Variants in FTO observed in about 807,000 individuals in gnomAD.
FTO encodes the protein FTO alpha-ketoglutarate dependent dioxygenase.
A neutral mutation model predicts 63.9 loss-of-function variants in FTO; 47 were observed. The ratio of observed to expected loss-of-function variants is 0.74; its 90% CI spans 0.58 to 0.94. The LOEUF (loss-of-function observed/expected upper bound fraction) is 0.94, where lower values mean the gene tolerates loss of function less well. Among genes scored for constraint, FTO ranks in the 40% least tolerant of loss-of-function variants. The pLI is 0.00. For missense variants in FTO, 562 were observed against 618.1 expected (o/e 0.91, Z 0.96); for synonymous variants, 207 against 224.4 (o/e 0.92, Z 0.69).
chr16:53,716,231 T>C (rs751509789), intron 1 of FTO, among the ~76,000 whole-genome samples: 8 of 152,182 alleles, frequency 5.3e-5, no homozygotes, highest in Non-Finnish European at 8.8e-5. Flanking sequence ...CCTAGGGGGA[T>C]AGTCAAAGGA....
chr16:53,997,972 T>C (rs1349299792), intron 8 of FTO, among the ~76,000 whole-genome samples: 1 of 152,198 alleles, frequency 6.6e-6, no homozygotes, highest in Non-Finnish European at 1.5e-5. Flanking sequence ...AATATTCCCA[T>C]GTTGATTGTT....
chr16:53,713,182 G>A (rs1204797151), intron 1 of FTO, among the ~76,000 whole-genome samples: 5 of 152,132 alleles, frequency 3.3e-5, no homozygotes, highest in Non-Finnish European at 7.4e-5. Context: ...CCATAGGTGT[G>A]GGCATTAATT....
chr16:53,786,862 A>G (rs2077753592), intron 1 of FTO, among the ~76,000 whole-genome samples: 1 of 152,088 alleles, frequency 6.6e-6, no homozygotes, highest in Non-Finnish European at 1.5e-5. Context: ...CTGTGTTTCC[A>G]GGACTTTGGG....
At chr16:53,825,305 A>G (rs1197814912) in intron 2 of FTO, among the ~76,000 whole-genome samples, 10 of 152,168 alleles carry the variant, frequency 6.6e-5, no homozygotes, top group Non-Finnish European at 1.3e-4. Flanking sequence ...CCTGGAAGCC[A>G]GGGGTTGGTG....
intron 1 of FTO, among the ~76,000 whole-genome samples, chr16:53,783,406 G>A (rs113191842): frequency 0.093 from 14,058 of 151,748 alleles, 833 homozygotes; most frequent in Middle Eastern, 0.12. Context: ...AGGAGATCGA[G>A]GCCATCCTGG....
At chr16:54,004,254 T>C (rs2084139638) in intron 8 of FTO, among the ~76,000 whole-genome samples, 1 of 152,166 alleles carries the variant, frequency 6.6e-6, no homozygotes, top group South Asian at 2.1e-4. Flanking sequence ...AAGTTGAGCA[T>C]GGTGACATCC....
intron 8 of FTO, among the ~76,000 whole-genome samples, chr16:53,997,586 TG>T (rs369710692): frequency 0.014 from 915 of 66,246 alleles, 12 homozygotes; most frequent in African/African-American, 0.047. Flanking sequence ...GGGGTGGGAG[TG>T]GGGGGGTGGT....
rs140352368 is a variant in FTO at position 53,717,990 on chromosome 16, G to T, written c.45+13761G>T. Among the ~76,000 whole-genome samples, 274 of 152,076 alleles carry T rather than the reference G, an allele frequency of 1.8e-3. 5 individuals carry two copies. In the East Asian group the frequency reaches 0.048, roughly 26 times the overall value. Reference sequence around the variant, plus strand: ...TGTGGCTCATCTCTTGCTTTGAGAAGACAACCTAAATTTTTTCCCAGGTAA... The same window carrying T: ...TGTGGCTCATCTCTTGCTTTGAGAATACAACCTAAATTTTTTCCCAGGTAA... On this transcript the variant is annotated intron_variant, in intron 1 of 8. Coordinates refer to ENST00000471389, the MANE Select transcript of FTO (RefSeq NM_001080432.3).
chr16:53,729,039 C>T (rs55715743), intron 1 of FTO, among the ~76,000 whole-genome samples: 14,972 of 150,814 alleles, frequency 0.099, 1,031 homozygotes, highest in Non-Finnish European at 0.15. Context: ...GCTAGGATTA[C>T]AGGTGTGAGC....
chr16:53,909,219 C>G (rs994151821), intron 7 of FTO, among the ~76,000 whole-genome samples: 1 of 152,186 alleles, frequency 6.6e-6, no homozygotes, highest in African/African-American at 2.4e-5. Flanking sequence ...TCCAGTCTAA[C>G]AAACTGTTAT....
chr16:53,811,917 A>G (rs193112304), intron 2 of FTO, among the ~76,000 whole-genome samples: 1 of 152,058 alleles, frequency 6.6e-6, no homozygotes, highest in East Asian at 1.9e-4. Flanking sequence ...GGCCCATGCG[A>G]TTCTCCCACC....
intron 8 of FTO, among the ~76,000 whole-genome samples, chr16:54,099,220 A>G (rs1310586889): frequency 6.6e-6 from 1 of 152,218 alleles, no homozygotes; most frequent in Non-Finnish European, 1.5e-5. Flanking sequence ...AATATCATTC[A>G]TTAAGTCATG....
intron 7 of FTO, chr16:53,911,490 G>A (rs147318784): frequency 4.7e-4 from 327 of 703,050 alleles, no homozygotes; most frequent in African/African-American, 4.4e-3. Flanking sequence ...GAATGGTAAG[G>A]ACAGGAGGAC....
At chr16:53,834,548 T>C (rs1377267037) in intron 3 of FTO, among the ~76,000 whole-genome samples, 2 of 152,182 alleles carry the variant, frequency 1.3e-5, no homozygotes, top group Non-Finnish European at 1.5e-5. Context: ...CACCTCAAGA[T>C]TGTGAGAATT....
At chr16:53,921,935 C>A (rs1430504490) in intron 7 of FTO, among the ~76,000 whole-genome samples, 1 of 152,036 alleles carries the variant, frequency 6.6e-6, no homozygotes, top group Non-Finnish European at 1.5e-5. Flanking sequence ...GAGGTAACAG[C>A]GAGCTAGAGA....
intron 1 of FTO, among the ~76,000 whole-genome samples, chr16:53,741,218 G>A (rs1045424766): frequency 2.6e-5 from 4 of 152,238 alleles, no homozygotes; most frequent in South Asian, 2.1e-4. Flanking sequence ...AAAGCCTGAC[G>A]TGTTCATTAT....
At chr16:53,933,716 G>C (rs188550246) in intron 7 of FTO, among the ~76,000 whole-genome samples, 1 of 152,132 alleles carries the variant, frequency 6.6e-6, no homozygotes, top group Non-Finnish European at 1.5e-5. Context: ...AAAATCGTTG[G>C]TGTGCTGAGA....
At chr16:54,104,792 G>A (rs945050584) in intron 8 of FTO, among the ~76,000 whole-genome samples, 1 of 152,120 alleles carries the variant, frequency 6.6e-6, no homozygotes, top group Non-Finnish European at 1.5e-5. Context: ...TTAAACACTG[G>A]GTATTTTCTG....
intron 7 of FTO, among the ~76,000 whole-genome samples, chr16:53,916,967 G>C (rs546562148): frequency 1.3e-5 from 2 of 152,208 alleles, no homozygotes; most frequent in Non-Finnish European, 2.9e-5. Context: ...AAGTGAGACT[G>C]TAGTCGGGGA....
Sources: allele counts gnomAD v4.1 joint callset (sites outside exome capture counted in the v4.1 genomes callset), GRCh38; gene constraint gnomAD v4.1.1; transcripts MANE v1.5; gene names NCBI Gene and HGNC (gene_info 2026-07-23, HGNC 2026-07-21).